Variants in SLC35F3 observed in about 807,000 individuals in gnomAD.
The protein encoded by SLC35F3 is solute carrier family 35 member F3, also known as putative thiamine transporter SLC35F3.
SLC35F3 carries 25 observed loss-of-function variants against 49.9 expected under a neutral mutation model. The ratio of observed to expected loss-of-function variants is 0.50; its 90% CI spans 0.37 to 0.70. The LOEUF (loss-of-function observed/expected upper bound fraction) is 0.70. Among genes scored for constraint, SLC35F3 ranks in the 30% least tolerant of loss-of-function variants. The probability of loss-of-function intolerance (pLI) is 0.00; values close to 1 mark genes in which losing one functional copy is unlikely to be tolerated. For missense variants in SLC35F3, 525 were observed against 639.8 expected, an observed-to-expected ratio of 0.82 and a Z score of 1.94; for synonymous variants, 275 against 265.4, an observed-to-expected ratio of 1.04 and a Z score of -0.35.
chr1:234,194,857 C>T (rs1487762892), intron 2 of SLC35F3, among the ~76,000 whole-genome samples: 1 of 150,960 alleles, frequency 6.6e-6, no homozygotes, highest in Non-Finnish European at 1.5e-5. Flanking sequence ...GTTCCTGTTT[C>T]CTGTCCTGTT....
intron 2 of SLC35F3, among the ~76,000 whole-genome samples, chr1:234,116,915 T>C (rs1665496080): frequency 6.6e-6 from 1 of 152,192 alleles, no homozygotes; most frequent in Non-Finnish European, 1.5e-5. Flanking sequence ...CAGGCTTATT[T>C]TGTACTATCT....
At chr1:234,131,185 T>TC (rs35930192) in intron 2 of SLC35F3, among the ~76,000 whole-genome samples, 58,599 of 151,960 alleles carry the variant, frequency 0.39, 13,275 homozygotes, top group Non-Finnish European at 0.52. Context: ...ATGTTCTATT[T>TC]TTGCCGTGTA....
At chr1:234,209,143 G>A (rs1667015715) in intron 2 of SLC35F3, among the ~76,000 whole-genome samples, 1 of 152,150 alleles carries the variant, frequency 6.6e-6, no homozygotes, top group Non-Finnish European at 1.5e-5. Flanking sequence ...AGGGGTCAGA[G>A]GTCAAATGAC....
intron 2 of SLC35F3, among the ~76,000 whole-genome samples, chr1:233,916,158 A>G (rs1055054632): frequency 6.6e-6 from 1 of 152,258 alleles, no homozygotes; most frequent in African/African-American, 2.4e-5. Flanking sequence ...AGACTTTTAA[A>G]TGCCATATTC....
At chr1:234,294,674 G>A (rs768535009) in intron 3 of SLC35F3, among the ~76,000 whole-genome samples, 1 of 152,222 alleles carries the variant, frequency 6.6e-6, no homozygotes, top group African/African-American at 2.4e-5. Flanking sequence ...AACGTCAAGC[G>A]CTGAGTTCCG....
chr1:234,228,580 T>C (rs1349922875), intron 2 of SLC35F3, among the ~76,000 whole-genome samples: 1 of 152,206 alleles, frequency 6.6e-6, no homozygotes, highest in Non-Finnish European at 1.5e-5. Context: ...GCACCATACA[T>C]AGCCCTGTGA....
chr1:233,929,404 G>C (rs1305256273), intron 2 of SLC35F3, among the ~76,000 whole-genome samples: 3 of 152,170 alleles, frequency 2.0e-5, no homozygotes, highest in Non-Finnish European at 4.4e-5. Context: ...CTGTAAGTGA[G>C]AGTTATTGAG....
intron 2 of SLC35F3, among the ~76,000 whole-genome samples, chr1:233,941,511 G>A (rs1157146910): frequency 6.6e-6 from 1 of 152,138 alleles, no homozygotes; most frequent in Non-Finnish European, 1.5e-5. Flanking sequence ...TGGTACCTGG[G>A]CGTCTAAAAC....
At chr1:233,937,529 A>G (rs1430335331) in intron 2 of SLC35F3, among the ~76,000 whole-genome samples, 2 of 152,238 alleles carry the variant, frequency 1.3e-5, no homozygotes, top group East Asian at 1.9e-4. Context: ...GACTTTTCCT[A>G]TGAATCCTGA....
chr1:234,284,595 G>A (rs913941635), intron 3 of SLC35F3, among the ~76,000 whole-genome samples: 1 of 152,214 alleles, frequency 6.6e-6, no homozygotes, highest in African/African-American at 2.4e-5. Flanking sequence ...AGAAAGCAAA[G>A]TGCCTTTGAT....
At chr1:234,142,011 C>T (rs1336005153) in intron 2 of SLC35F3, among the ~76,000 whole-genome samples, 2 of 152,188 alleles carry the variant, frequency 1.3e-5, no homozygotes, top group Non-Finnish European at 2.9e-5. Flanking sequence ...CTCTTCTTCA[C>T]CACTGTCTCC....
chr1:234,015,560 A>G (rs1663790831), intron 2 of SLC35F3, among the ~76,000 whole-genome samples: 1 of 152,188 alleles, frequency 6.6e-6, no homozygotes, highest in South Asian at 2.1e-4. Context: ...CTATGGGGGA[A>G]AGGTCAGTCT....
At chr1:234,120,580 G>A (rs1665555498) in intron 2 of SLC35F3, among the ~76,000 whole-genome samples, 1 of 152,214 alleles carries the variant, frequency 6.6e-6, no homozygotes, top group African/African-American at 2.4e-5. Context: ...CCAAGTTACT[G>A]TGTACATCTG....
chr1:234,111,177 A>C (rs1665400146), intron 2 of SLC35F3, among the ~76,000 whole-genome samples: 1 of 152,150 alleles, frequency 6.6e-6, no homozygotes, highest in Non-Finnish European at 1.5e-5. Context: ...TAATTAAAAA[A>C]ATAAAATTTT....
At chr1:234,310,282 G>A (rs1180979015) in intron 4 of SLC35F3, among the ~76,000 whole-genome samples, 2 of 152,178 alleles carry the variant, frequency 1.3e-5, no homozygotes, top group African/African-American at 2.4e-5. Context: ...TCCCATGAAA[G>A]TAAACCCTGC....
chr1:234,001,108 C>CT (rs1256193519), intron 2 of SLC35F3, among the ~76,000 whole-genome samples: 1 of 152,154 alleles, frequency 6.6e-6, no homozygotes, highest in African/African-American at 2.4e-5. Flanking sequence ...TGGAAAAGCT[C>CT]TTTTTTTGTG....
chr1:234,070,580 A>G (rs1664697717), intron 2 of SLC35F3, among the ~76,000 whole-genome samples: 2 of 152,176 alleles, frequency 1.3e-5, no homozygotes, highest in African/African-American at 4.8e-5. Context: ...CCATAGACAA[A>G]TCTAACAGAA....
At chr1:234,280,901 C>T (rs1346525098) in intron 3 of SLC35F3, among the ~76,000 whole-genome samples, 1 of 152,186 alleles carries the variant, frequency 6.6e-6, no homozygotes, top group Non-Finnish European at 1.5e-5. Flanking sequence ...ACTCTGCCCT[C>T]ATCCCAACCA....
At chr1:234,195,459 G>A (rs1558256582) in intron 2 of SLC35F3, among the ~76,000 whole-genome samples, 1 of 152,336 alleles carries the variant, frequency 6.6e-6, no homozygotes, top group East Asian at 1.9e-4. Context: ...CTCAAGGCAT[G>A]TGGGGTGGAT....
Sources: gnomAD v4.1 joint callset for allele counts (sites outside exome capture counted in the v4.1 genomes callset) on GRCh38, gnomAD v4.1.1 for gene constraint, MANE v1.5 for transcripts, NCBI Gene and HGNC (gene_info 2026-07-23, HGNC 2026-07-21) for gene names.